Variants in PTPRZ1 observed in about 807,000 individuals in gnomAD.
The protein encoded by PTPRZ1 is protein tyrosine phosphatase receptor type Z1.
PTPRZ1 carries 82 observed loss-of-function variants against 214.1 expected under a neutral mutation model. The ratio of observed to expected loss-of-function variants is 0.38; its 90% CI spans 0.32 to 0.46. The LOEUF is 0.46. Among genes scored for constraint, PTPRZ1 ranks in the 20% least tolerant of loss-of-function variants. The pLI is 1.00. For synonymous variants in PTPRZ1, 945 were observed against 987.9 expected (o/e 0.96, Z 0.81); for missense variants, 2,603 against 2,748.7 (o/e 0.95, Z 1.19).
chr7:121,921,919 T>C (rs780625013), intron 1 of PTPRZ1, among the ~76,000 whole-genome samples: 21 of 152,168 alleles, frequency 1.4e-4, no homozygotes, highest in Non-Finnish European at 1.0e-4. Flanking sequence ...CTAAATTAGG[T>C]TTCATAAATG....
intron 17 of PTPRZ1, among the ~76,000 whole-genome samples, chr7:122,035,671 C>G (rs755655842): frequency 1.3e-5 from 2 of 152,194 alleles, no homozygotes; most frequent in Non-Finnish European, 1.5e-5. Context: ...TGCCATACTT[C>G]CATTTGCACA....
intron 2 of PTPRZ1, among the ~76,000 whole-genome samples, chr7:121,936,153 T>C (rs1796080172): frequency 6.6e-6 from 1 of 152,208 alleles, no homozygotes; most frequent in African/African-American, 2.4e-5. Flanking sequence ...ATGGTAATTC[T>C]GACTCTTTAA....
chr7:121,986,216 T>G (rs892305030), intron 8 of PTPRZ1, among the ~76,000 whole-genome samples: 4 of 152,226 alleles, frequency 2.6e-5, no homozygotes, highest in South Asian at 2.1e-4. Flanking sequence ...CTCACTTCAC[T>G]CTTATGAAGT....
chr7:121,903,749 C>T (rs1428899863), intron 1 of PTPRZ1, among the ~76,000 whole-genome samples: 1 of 152,012 alleles, frequency 6.6e-6, no homozygotes, highest in Non-Finnish European at 1.5e-5. Context: ...TCCCTTAGCT[C>T]GAGTCCTAAA....
intron 11 of PTPRZ1, among the ~76,000 whole-genome samples, chr7:122,007,007 T>G (rs1798509894): frequency 6.6e-6 from 1 of 152,046 alleles, no homozygotes; most frequent in Admixed American, 6.6e-5. Flanking sequence ...TGGTGACCAG[T>G]TAGGTAAGGA....
intron 1 of PTPRZ1, among the ~76,000 whole-genome samples, chr7:121,877,235 A>C (rs978190041): frequency 2.0e-5 from 3 of 152,198 alleles, no homozygotes; most frequent in East Asian, 1.9e-4. Flanking sequence ...GAGAACTCAG[A>C]TAAGTTGCCT....
At chr7:122,007,801 A>G (rs1191268526) in intron 11 of PTPRZ1, among the ~76,000 whole-genome samples, 1 of 152,160 alleles carries the variant, frequency 6.6e-6, no homozygotes, top group Non-Finnish European at 1.5e-5. Context: ...ACAGTGGAAG[A>G]GTCACAATAA....
At chr7:122,002,366 G>T (rs984973278) in intron 10 of PTPRZ1, among the ~76,000 whole-genome samples, 2 of 152,110 alleles carry the variant, frequency 1.3e-5, no homozygotes, top group Admixed American at 1.3e-4. Context: ...CCAAGGAGAC[G>T]TGCCTAGGCC....
chr7:121,884,240 G>A (rs556831082), intron 1 of PTPRZ1, among the ~76,000 whole-genome samples: 1 of 151,810 alleles, frequency 6.6e-6, no homozygotes, highest in Non-Finnish European at 1.5e-5. Flanking sequence ...GACATGTAAT[G>A]GTTTATATAT....
intron 8 of PTPRZ1, among the ~76,000 whole-genome samples, chr7:121,991,983 T>C (rs961394534): frequency 3.3e-5 from 5 of 152,220 alleles, no homozygotes. Context: ...AAAATGAGGC[T>C]CATAAACTTC....
intron 25 of PTPRZ1, 76 bp from the exon 26 acceptor site, chr7:122,053,834 A>G (rs937130798): frequency 4.2e-5 from 64 of 1,535,462 alleles, no homozygotes; most frequent in Non-Finnish European, 5.2e-5. Context: ...CTTAAGGTCC[A>G]TTGATGTATA....
chr7:121,897,142 A>C (rs1303553690), intron 1 of PTPRZ1, among the ~76,000 whole-genome samples: 1 of 152,196 alleles, frequency 6.6e-6, no homozygotes, highest in African/African-American at 2.4e-5. Flanking sequence ...GCAATGATAG[A>C]CACTATTGTT....
Position 122,012,879 on chromosome 7 carries a change from G to T in PTPRZ1, c.3833G>T (p.Ser1278Ile). The T allele has an allele frequency of 6.2e-7, 1 of 1,614,138 alleles. No homozygotes were observed. Among genetic ancestry groups the T allele is most frequent in the Non-Finnish European group, 8.5e-7 (1 of 1,180,012 alleles). Residue 1278 changes from serine (S) to isoleucine (I), a missense_variant, in exon 12 of 30, where the codon AGT (serine) becomes ATT (isoleucine). Ser to Ile is a moderately radical substitution (Grantham distance 142). Coordinates refer to ENST00000393386, the MANE Select transcript of PTPRZ1 (RefSeq NM_002851.3). Reference protein sequence around the residue: ...KYEPVLLKSESSHQVVPSLYS... With the variant: ...KYEPVLLKSEISHQVVPSLYS... ...GAACCAGTTTTGTTAAAAAGTGAAA[G>T]TTCCCACCAAGTGGTACCTTCTTTG...
In PTPRZ1 at chr7:122,034,218, A is replaced by G. The variant is rs1799469012; in HGVS notation, c.5188-64A>G. 11 of 1,574,242 alleles carry G rather than the reference A, an allele frequency of 7.0e-6. No individual in the cohort carries two copies. In the East Asian group the frequency reaches 1.8e-4, roughly 26 times the overall value. ...TTTTGTTTGTTTTGTCTTCGTTATT[A>G]TATTTTAAGGCACGTTGTTTGAAAG... On this transcript the variant is annotated intron_variant, in intron 16 of 29. Coordinates refer to ENST00000393386, the MANE Select transcript of PTPRZ1 (RefSeq NM_002851.3).
intron 6 of PTPRZ1, among the ~76,000 whole-genome samples, chr7:121,981,370 T>TG (rs1797607215): frequency 2.0e-5 from 3 of 151,936 alleles, no homozygotes; most frequent in African/African-American, 7.3e-5. Context: ...ACATAAGGAT[T>TG]AACACCACTG....
chr7:122,057,233 A>C (rs1335442813), intron 27 of PTPRZ1, among the ~76,000 whole-genome samples: 1 of 151,932 alleles, frequency 6.6e-6, no homozygotes, highest in Non-Finnish European at 1.5e-5. Context: ...CTACAAAGGT[A>C]TCCTCTCATC....
At chr7:121,963,017 C>G (rs766722083) in intron 2 of PTPRZ1, among the ~76,000 whole-genome samples, 4 of 151,044 alleles carry the variant, frequency 2.6e-5, no homozygotes, top group Admixed American at 6.6e-5. Context: ...TTGGTTTTTC[C>G]ACTAAAAAAA....
intron 1 of PTPRZ1, among the ~76,000 whole-genome samples, chr7:121,877,434 C>CT (rs1794095756): frequency 6.6e-6 from 1 of 152,126 alleles, no homozygotes; most frequent in African/African-American, 2.4e-5. Flanking sequence ...CCCATGTACT[C>CT]TTGTATTACT....
intron 2 of PTPRZ1, among the ~76,000 whole-genome samples, chr7:121,930,633 A>G (rs1795892604): frequency 6.6e-6 from 1 of 152,186 alleles, no homozygotes; most frequent in Non-Finnish European, 1.5e-5. Flanking sequence ...AATGGAGTCT[A>G]AATTTTAATT....
Sources: allele counts gnomAD v4.1 joint callset (sites outside exome capture counted in the v4.1 genomes callset), GRCh38; gene constraint gnomAD v4.1.1; transcripts MANE v1.5; gene names NCBI Gene and HGNC (gene_info 2026-07-23, HGNC 2026-07-21).